RASGRP4: variants seen among roughly 807,000 people sequenced by gnomAD.
RASGRP4 encodes the protein RAS guanyl releasing protein 4, also known as RAS guanyl-releasing protein 4.
RASGRP4 carries 52 observed loss-of-function variants against 84.4 expected under a neutral mutation model. The ratio of observed to expected loss-of-function variants is 0.62; its 90% CI spans 0.49 to 0.78. RASGRP4 has a LOEUF of 0.78. RASGRP4 is among the 30% of genes least tolerant of loss of function. The pLI is 0.00. For synonymous variants in RASGRP4, 356 were observed against 359.1 expected (o/e 0.99, Z 0.10); for missense variants, 760 against 886.9 (o/e 0.86, Z 1.82).
In RASGRP4 at chr19:38,417,218, CAGG is replaced by C. The variant is rs755154058; in HGVS notation, c.838-53_838-51del. 832 of 1,208,624 alleles carry C rather than the reference CAGG, an allele frequency of 6.9e-4. 3 individuals carry two copies. Among genetic ancestry groups the C allele is most frequent in the Middle Eastern group, 2.2e-3 (12 of 5,378 alleles). 74.9% of individuals were successfully genotyped at this position (1,208,624 alleles called of 1,614,324 possible). On this transcript the variant is annotated intron_variant, in intron 7 of 16. Transcript: ENST00000615439. The surrounding 1 kb of genome is among the most constrained non-coding windows in gnomAD (Gnocchi z 5.1). Reference sequence around the variant, plus strand: ...GGCCGTCACGGGAGGGAGGGCAAGTCAGGAGTTCAGATGACAGCATCCCAGTTG... The same window carrying C: ...GGCCGTCACGGGAGGGAGGGCAAGTCAGTTCAGATGACAGCATCCCAGTTG...
At chr19:38,410,176 A>G in intron 16 of RASGRP4, 80 bp from the exon 17 acceptor site, 1 of 1,131,716 alleles carries the variant, frequency 8.8e-7, no homozygotes, top group Non-Finnish European at 1.3e-6. Context: ...CACTGCCAGG[A>G]ACACTTCCCT....
intron 1 of RASGRP4, 125 bp downstream of exon 1, chr19:38,425,944 G>GC: frequency 5.8e-6 from 4 of 692,310 alleles, no homozygotes; most frequent in South Asian, 4.2e-5. Flanking sequence ...CATCCACCTG[G>GC]CCCCCCTGCG....
chr19:38,425,426 T>C (rs1302682345), intron 1 of RASGRP4, among the ~76,000 whole-genome samples: 1 of 152,094 alleles, frequency 6.6e-6, no homozygotes, highest in Non-Finnish European at 1.5e-5. Flanking sequence ...GCTAGGAAAT[T>C]AGGCAGCCAG....
chr19:38,410,128 A>C, intron 16 of RASGRP4, 32 bp from the exon 17 acceptor site: 1 of 1,582,054 alleles, frequency 6.3e-7, no homozygotes, highest in South Asian at 1.1e-5. Flanking sequence ...GAAAGATGAC[A>C]GATGATGTGG....
chr19:38,421,275 G>A, intron 2 of RASGRP4, 75 bp from the exon 3 acceptor site: 2 of 1,100,482 alleles, frequency 1.8e-6, no homozygotes, highest in Non-Finnish European at 2.8e-6. Context: ...GATCCTGCCG[G>A]ACCACCTGGT....
Position 38,426,116 on chromosome 19 carries a change from CG to C in RASGRP4, c.-26del. 3.8e-6 allele frequency: 5 copies of C among 1,320,658 alleles called. No homozygotes were observed. The South Asian group carries it at 8.3e-5, about 22-fold the overall frequency. 81.8% of individuals were successfully genotyped at this position (1,320,658 alleles called of 1,614,324 possible). On this transcript the variant is annotated 5_prime_UTR_variant, in exon 1 of 17. Coordinates refer to ENST00000615439, the MANE Select transcript of RASGRP4 (RefSeq NM_170604.3). ...TGCTTCCCGCGTGGGGTGAGGAGGC[CG>C]GGGGTCTTGCAAGAGTAGGGCTCAG...
intron 1 of RASGRP4, 112 bp downstream of exon 1, chr19:38,425,957 T>C: frequency 1.1e-6 from 1 of 929,556 alleles, no homozygotes; most frequent in Non-Finnish European, 1.5e-6. Context: ...CCCCTGCGCC[T>C]GATCCCAAAG....
intron 1 of RASGRP4, among the ~76,000 whole-genome samples, chr19:38,424,274 C>A (rs776685818): frequency 1.3e-5 from 2 of 152,102 alleles, no homozygotes; most frequent in Admixed American, 6.6e-5. Flanking sequence ...CACGTGCCAC[C>A]ACGCCGAGCT....
chr19:38,410,001 G>A lies in RASGRP4; in HGVS notation c.*39C>T, dbSNP rs775534220. 7.7e-6 allele frequency: 12 copies of A among 1,566,376 alleles called. No homozygotes were observed. Among genetic ancestry groups the A allele is most frequent in the Middle Eastern group, 1.7e-4 (1 of 5,830 alleles). ...CTGACGGCAGGACTCAGGACTGACT[G>A]GGGGAAGGGAGTGAGGAAGAGAGGA... On this transcript the variant is annotated 3_prime_UTR_variant, in exon 17 of 17. Transcript: ENST00000615439.
intron 2 of RASGRP4, 73 bp downstream of exon 2, chr19:38,421,896 A>C (rs1971768042): frequency 7.3e-7 from 1 of 1,369,380 alleles, no homozygotes; most frequent in Non-Finnish European, 1.0e-6. Context: ...TACCTCCAAA[A>C]ACTGAGGTGG....
chr19:38,417,507 T>A lies in RASGRP4; in HGVS notation c.838-339A>T, dbSNP rs768144756. Reference sequence around the variant, plus strand: ...AGGAGGCTTCAGACATGTCAGGGTGTCAGCCATCTGGGGGTCTGACTGCTC... The same window carrying A: ...AGGAGGCTTCAGACATGTCAGGGTGACAGCCATCTGGGGGTCTGACTGCTC... On this transcript the variant is annotated intron_variant, in intron 7 of 16. Transcript: ENST00000615439. The surrounding 1 kb of genome is among the most constrained non-coding windows in gnomAD (Gnocchi z 5.1). Among the ~76,000 whole-genome samples, 1 of 152,104 alleles carries A rather than the reference T, an allele frequency of 6.6e-6. No individual in the cohort carries two copies. Among genetic ancestry groups the A allele is most frequent in the African/African-American group, 2.4e-5 (1 of 41,420 alleles).
intron 8 of RASGRP4, among the ~76,000 whole-genome samples, chr19:38,416,113 C>T (rs1043845161): frequency 6.6e-6 from 1 of 151,182 alleles, no homozygotes; most frequent in Non-Finnish European, 1.5e-5. Context: ...TCCCCCTCAG[C>T]CTCCCAAGTA....
chr19:38,410,328 TA>T (rs1192857516), intron 16 of RASGRP4, among the ~76,000 whole-genome samples: 1 of 152,170 alleles, frequency 6.6e-6, no homozygotes, highest in Admixed American at 6.5e-5. Context: ...TTATTCTTGC[TA>T]TCTTATTGGC....
chr19:38,421,346 G>A, intron 2 of RASGRP4, 146 bp from the exon 3 acceptor site: 2 of 637,912 alleles, frequency 3.1e-6, no homozygotes, highest in Non-Finnish European at 5.6e-6. Flanking sequence ...CTAACCTCCT[G>A]TGCCTCAGTT....
Position 38,410,887 on chromosome 19 carries a change from G to GT in RASGRP4, c.1963dup (p.Thr655AsnfsTer50), listed in dbSNP as rs1568405870. 6.3e-7 allele frequency: 1 copy of GT among 1,588,994 alleles called. No homozygotes were observed. The highest frequency in any genetic ancestry group is 8.6e-7 in the Non-Finnish European group (1 of 1,167,126). ...GGGGTAGGGGCGGTTTCTCCTCACC[G>GT]TATCTGTTTCCCAGGAAGGGTGTGG... On this transcript the variant is annotated frameshift_variant and splice_region_variant, in exon 16 of 17. Coordinates refer to ENST00000615439, the MANE Select transcript of RASGRP4 (RefSeq NM_170604.3). LOFTEE classifies it high-confidence loss of function.
At chr19:38,414,700 G>T in intron 9 of RASGRP4, 148 bp downstream of exon 9, 1 of 774,180 alleles carries the variant, frequency 1.3e-6, no homozygotes, top group South Asian at 2.0e-5. Flanking sequence ...CCAAGATCAC[G>T]CAGCTAGAAA....
In RASGRP4 at chr19:38,415,085, G is replaced by C; in HGVS notation, c.993C>G (p.Asn331Lys). The C allele has an allele frequency of 6.2e-7, 1 of 1,600,664 alleles. No individual in the cohort carries two copies. Among genetic ancestry groups the C allele is most frequent in the Non-Finnish European group, 8.5e-7 (1 of 1,173,670 alleles). The change falls in exon 9 of 17, where the codon AAC (asparagine) becomes AAG (lysine). Residue 331 changes from asparagine (N) to lysine (K), a missense_variant. Coordinates refer to ENST00000615439, the MANE Select transcript of RASGRP4 (RefSeq NM_170604.3). ...AGGTGCGGCGGTAGCGGGCGTAGTT[G>C]TTGTGGGAGGCAAGGAGCTCAGTGA... The part of the protein sequence containing the change: ...LELTELLASH[N>K]NYARYRRTWA...
chr19:38,419,261 C>T (rs1971635077), intron 6 of RASGRP4, among the ~76,000 whole-genome samples: 1 of 152,182 alleles, frequency 6.6e-6, no homozygotes, highest in Non-Finnish European at 1.5e-5. Context: ...AGCATTTACC[C>T]TGGACCAGGC....
In RASGRP4 at chr19:38,418,954, T is replaced by C. The variant is rs1971621496; in HGVS notation, c.664-390A>G. Among the ~76,000 whole-genome samples the C allele has an allele frequency of 6.6e-6, 1 of 152,148 alleles. No individual in the cohort carries two copies. The highest frequency in any genetic ancestry group is 2.1e-4 in the South Asian group (1 of 4,836). On this transcript the variant is annotated intron_variant, in intron 6 of 16. Coordinates refer to ENST00000615439, the MANE Select transcript of RASGRP4 (RefSeq NM_170604.3). This position sits in a 1 kb window ranked among gnomAD's most constrained non-coding sequence, Gnocchi z 4.6. ...TGCTCTTAACTGTACACCTGACTGGTATACAGTAAGCAAAGGGAAGGCTGG... is the reference window on the plus strand; with the variant it reads ...TGCTCTTAACTGTACACCTGACTGGCATACAGTAAGCAAAGGGAAGGCTGG...
Sources: gnomAD v4.1 joint callset for allele counts (sites outside exome capture counted in the v4.1 genomes callset) on GRCh38, gnomAD v4.1.1 for gene constraint, Gnocchi (gnomAD v3.1) non-coding constraint, MANE v1.5 for transcripts, NCBI Gene and HGNC (gene_info 2026-07-23, HGNC 2026-07-21) for gene names.